Variants in CROCC observed in about 807,000 individuals in gnomAD.
CROCC encodes the protein rootletin.
In CROCC, 180 loss-of-function variants were observed where a neutral mutation model predicts 245.2. The ratio of observed to expected loss-of-function variants is 0.73; its 90% CI spans 0.65 to 0.83. CROCC has a LOEUF of 0.83. Ranked by LOEUF, CROCC falls within the 40% of genes least tolerant of loss-of-function variation. CROCC has a pLI of 0.00. For synonymous variants in CROCC, 1,205 were observed against 1,241.6 expected (o/e 0.97, Z 0.62); for missense variants, 2,688 against 2,779.4 (o/e 0.97, Z 0.74).
At chr1:16,928,496 C>CTT (rs113967647) in intron 3 of CROCC, among the ~76,000 whole-genome samples, 1 of 149,144 alleles carries the variant, frequency 6.7e-6, no homozygotes, top group African/African-American at 2.4e-5. Flanking sequence ...TGGAGGGGAC[C>CTT]TTTTTTTTTT....
chr1:16,947,970 C>T (rs866960190), intron 17 of CROCC, among the ~76,000 whole-genome samples: 66 of 152,334 alleles, frequency 4.3e-4, no homozygotes, highest in African/African-American at 1.4e-3. Context: ...TCCCAAGTAG[C>T]AGGGACTACA....
chr1:16,962,388 A>C (rs1377357888), intron 27 of CROCC, among the ~76,000 whole-genome samples: 1 of 151,238 alleles, frequency 6.6e-6, no homozygotes, highest in Non-Finnish European at 1.5e-5. Context: ...AAAAAAAATT[A>C]GCTGGGCACA....
Position 16,940,029 on chromosome 1 carries a change from C to G in CROCC, c.1744C>G (p.Gln582Glu). The G allele has an allele frequency of 6.2e-7, 1 of 1,611,140 alleles. No individual in the cohort carries two copies. The highest frequency in any genetic ancestry group is 1.1e-5 in the South Asian group (1 of 90,950). ...GCGGGACAAGACCGACGGCGCCATGCAGGCCCACGAGGACGCCCAGCGCGA... is the reference window on the plus strand; with the variant it reads ...GCGGGACAAGACCGACGGCGCCATGGAGGCCCACGAGGACGCCCAGCGCGA... ...RLRDKTDGAM[Q>E]AHEDAQREVQ... is the part of the protein sequence containing the mutation. The change falls in exon 13 of 37, where the codon CAG (glutamine) becomes GAG (glutamate). Residue 582 changes from glutamine to glutamate, a missense_variant. Coordinates refer to ENST00000375541, the MANE Select transcript of CROCC (RefSeq NM_014675.5).
At chr1:16,935,255 TCACA>T (rs377043746) in intron 8 of CROCC, among the ~76,000 whole-genome samples, 1 of 152,028 alleles carries the variant, frequency 6.6e-6, no homozygotes, top group Non-Finnish European at 1.5e-5. Flanking sequence ...ATAAAGCAGA[TCACA>T]CACACACACA....
At position 16,966,191 on chromosome 1, in the gene CROCC, G is replaced by T; in HGVS notation, c.4696+72G>T. On this transcript the variant is annotated intron_variant, in intron 29 of 36. Transcript: ENST00000375541. This position sits in a 1 kb window ranked among gnomAD's most constrained non-coding sequence, Gnocchi z 4.8. ...CAGTTGAGGCAGGAGCCGGGGGATT[G>T]GCCTCTGACCTTGCCGTGGCCCCCA... 1 of 1,550,290 alleles carries T rather than the reference G, an allele frequency of 6.5e-7. No individual in the cohort carries two copies.
intron 8 of CROCC, among the ~76,000 whole-genome samples, chr1:16,935,361 T>C (rs1323905429): frequency 1.3e-5 from 2 of 152,250 alleles, no homozygotes; most frequent in Non-Finnish European, 2.9e-5. Flanking sequence ...AACCTACTAG[T>C]TATAACTGGG....
Position 16,955,360 on chromosome 1 carries a change from G to C in CROCC, c.3514G>C (p.Gly1172Arg). The stretch of plus-strand genomic sequence containing the variant: ...GCGTCTGCTGGAGGATGCCCGTGAC[G>C]GGCTGCGGCGGGAGCTGCTGGAGGC... ...QLRLLEDARD[G>R]LRRELLEAQR... Residue 1172 changes from glycine (G) to arginine (R), a missense_variant, in exon 24 of 37, where the codon GGG becomes CGG. Physicochemically the swap from Gly to Arg is moderately radical, Grantham distance 125 (BLOSUM62 -2). This residue lies in a region of CROCC where 1,218 missense variants were observed against 1,286.3 expected (regional missense o/e 0.95). Coordinates refer to ENST00000375541, the MANE Select transcript of CROCC (RefSeq NM_014675.5). 6.2e-7 allele frequency: 1 copy of C among 1,607,514 alleles called. No homozygotes were observed. The highest frequency in any genetic ancestry group is 2.2e-5 in the East Asian group (1 of 44,828).
chr1:16,965,678 G>T, intron 27 of CROCC, 45 bp from the exon 28 acceptor site: 1 of 1,348,412 alleles, frequency 7.4e-7, no homozygotes, highest in African/African-American at 1.4e-5. Context: ...TGTGTGGGAG[G>T]CCCGTGGCTT....
At chr1:16,921,327 G>C (rs977660614), upstream of CROCC, among the ~76,000 whole-genome samples, 2 of 152,280 alleles carry the variant, frequency 1.3e-5, no homozygotes, top group Non-Finnish European at 2.9e-5. Context: ...GGCAAGGCTA[G>C]GGCATTTGTA....
intron 24 of CROCC, 105 bp from the exon 25 acceptor site, chr1:16,955,892 C>A: frequency 7.2e-7 from 1 of 1,380,334 alleles, no homozygotes; most frequent in Non-Finnish European, 1.0e-6. Context: ...GCCACATGGG[C>A]AGGCAGTGCC....
chr1:16,923,020 G>C (rs140202916), intron 2 of CROCC, among the ~76,000 whole-genome samples: 1 of 152,284 alleles, frequency 6.6e-6, no homozygotes, highest in Non-Finnish European at 1.5e-5. Context: ...AGGAAGGGCC[G>C]AGCATCTCCT....
intron 3 of CROCC, among the ~76,000 whole-genome samples, chr1:16,925,264 C>G (rs2075508530): frequency 6.6e-6 from 1 of 152,264 alleles, no homozygotes; most frequent in South Asian, 2.1e-4. Flanking sequence ...ACAGTAGCTA[C>G]TGTTTATTGA....
chr1:16,962,089 G>A (rs866589978), intron 27 of CROCC, among the ~76,000 whole-genome samples: 6 of 150,624 alleles, frequency 4.0e-5, no homozygotes, highest in African/African-American at 7.3e-5. Flanking sequence ...TTGAGATGGC[G>A]TCTTGCTCTG....
chr1:16,953,795 G>C (rs1357668870), intron 21 of CROCC: 7 of 301,918 alleles, frequency 2.3e-5, no homozygotes, highest in African/African-American at 1.9e-4. Context: ...CTTCTGAGCA[G>C]TCCCCACGAT....
At chr1:16,953,181 C>T (rs2076191377) in intron 20 of CROCC, 121 bp from the exon 21 acceptor site, 2 of 861,794 alleles carry the variant, frequency 2.3e-6, no homozygotes, top group Non-Finnish European at 3.5e-6. Context: ...CTTGTATTTA[C>T]CTGGTCACCC....
intron 10 of CROCC, 113 bp downstream of exon 10, chr1:16,937,850 C>G (rs2075827177): frequency 1.1e-6 from 1 of 930,244 alleles, no homozygotes; most frequent in South Asian, 1.5e-5. Context: ...CCCACTCACA[C>G]TCAGGTTCAG....
In CROCC at chr1:16,922,701, G is replaced by T. The variant is rs775016723; in HGVS notation, c.99G>T (p.Leu33Phe). The change falls in exon 2 of 37, where the codon TTG becomes TTT. Residue 33 changes from leucine to phenylalanine, a missense_variant. Physicochemically the swap from Leu to Phe is conservative, Grantham distance 22 (BLOSUM62 0). Around this residue, in one of 9 missense-constraint regions of CROCC, gnomAD observed 972 missense variants for 895.3 expected, o/e 1.09. Coordinates refer to ENST00000375541, the MANE Select transcript of CROCC (RefSeq NM_014675.5). ...GCGTCCTGTGCCAGGAGAAAGGCTT[G>T]GGCGCGCGGGACCTGGCCCAGGACG... is the stretch of plus-strand genomic sequence containing the variant. ...ESSVLCQEKG[L>F]GARDLAQDAQ... 6.2e-7 allele frequency: 1 copy of T among 1,613,586 alleles called. No individual in the cohort carries two copies. Among genetic ancestry groups the T allele is most frequent in the Non-Finnish European group, 8.5e-7 (1 of 1,179,854 alleles).
rs2076072345 is a variant in CROCC, at chr1:16,947,350, T to TC, written c.2514+362dup. On this transcript the variant is annotated intron_variant, in intron 17 of 36. Coordinates refer to ENST00000375541, the MANE Select transcript of CROCC (RefSeq NM_014675.5). Reference sequence around the variant, plus strand: ...TGGGCGTGGTGGCACGCGCCTGTAGTCCCAGCTACTTGGGAGGCTGAGGCA... The same window carrying TC: ...TGGGCGTGGTGGCACGCGCCTGTAGTCCCCAGCTACTTGGGAGGCTGAGGCA... Among the ~76,000 whole-genome samples the TC allele has an allele frequency of 3.3e-5, 5 of 152,304 alleles. No homozygotes were observed. The South Asian group carries it at 1.0e-3, about 32-fold the overall frequency.
At position 16,955,362 on chromosome 1, in the gene CROCC, G is replaced by T. The variant is rs1428415196; in HGVS notation, c.3516G>T (p.Gly1172=). 2 of 1,607,628 alleles carry T rather than the reference G, an allele frequency of 1.2e-6. No homozygotes were observed. Among genetic ancestry groups the T allele is most frequent in the Admixed American group, 1.7e-5 (1 of 59,978 alleles). The change falls in exon 24 of 37, where the codon GGG becomes GGT. Residue 1172 remains glycine, a synonymous_variant. Coordinates refer to ENST00000375541, the MANE Select transcript of CROCC (RefSeq NM_014675.5). ...QLRLLEDARD[G]LRRELLEAQR... ...GTCTGCTGGAGGATGCCCGTGACGG[G>T]CTGCGGCGGGAGCTGCTGGAGGCCC... is the stretch of plus-strand genomic sequence containing the variant.
Sources: gnomAD v4.1 joint callset for allele counts (sites outside exome capture counted in the v4.1 genomes callset) on GRCh38, gnomAD v4.1.1 for gene constraint, gnomAD v4.1.1 regional missense constraint, Gnocchi (gnomAD v3.1) non-coding constraint, MANE v1.5 for transcripts, NCBI Gene and HGNC (gene_info 2026-07-23, HGNC 2026-07-21) for gene names.